The following DLG2 variants were observed in gnomAD, a reference collection of about 807,000 sequenced individuals.
DLG2 encodes disks large homolog 2.
DLG2 carries 45 observed loss-of-function variants against 132.5 expected under a neutral mutation model. That is an observed-to-expected ratio of 0.34 (90% CI 0.27 to 0.44). The LOEUF (loss-of-function observed/expected upper bound fraction) is 0.44. Among genes scored for constraint, DLG2 ranks in the 20% least tolerant of loss-of-function variants. The pLI, the probability that DLG2 is intolerant of heterozygous loss-of-function variation, is 1.00. For synonymous variants in DLG2, 424 were observed against 419.6 expected (o/e 1.01, Z -0.13); for missense variants, 1,045 against 1,196.9 (o/e 0.87, Z 1.87).
intron 3 of DLG2, among the ~76,000 whole-genome samples, chr11:85,431,512 G>T (rs2091181731): frequency 6.6e-6 from 1 of 152,234 alleles, no homozygotes; most frequent in Admixed American, 6.5e-5. Context: ...ATCTGCCTAA[G>T]CCTGCCAAGT....
rs185169697 is a variant in DLG2 at position 83,756,432 on chromosome 11, C to T, written c.1825+30258G>A. ...ATTGCTAATTTTCATAGCTTTTATG[C>T]TAAAAGCAAACAAACAAAACAATAA... On this transcript the variant is annotated intron_variant, in intron 18 of 27. Coordinates refer to ENST00000376104, the MANE Select transcript of DLG2 (RefSeq NM_001142699.3). Among the ~76,000 whole-genome samples, 9 of 151,466 alleles carry T rather than the reference C, an allele frequency of 5.9e-5. No individual in the cohort carries two copies. In the East Asian group the frequency reaches 1.5e-3, roughly 26 times the overall value.
At chr11:83,683,910 GGCT>G (rs1308720213) in intron 18 of DLG2, among the ~76,000 whole-genome samples, 11 of 151,958 alleles carry the variant, frequency 7.2e-5, no homozygotes, top group Admixed American at 1.3e-4. Flanking sequence ...CTCTGTGCTG[GGCT>G]GCTGGCCCAG....
chr11:85,507,794 CAG>C (rs2153147234), intron 3 of DLG2, among the ~76,000 whole-genome samples: 1 of 152,200 alleles, frequency 6.6e-6, no homozygotes, highest in African/African-American at 2.4e-5. Flanking sequence ...TACTATCCTG[CAG>C]AGTGTTTTCC....
Position 83,516,447 on chromosome 11 carries a change from C to T in DLG2, c.2193+16261G>A, listed in dbSNP as rs542819307. Among the ~76,000 whole-genome samples the T allele has an allele frequency of 1.8e-4, 28 of 152,312 alleles. No homozygotes were observed. In the South Asian group the frequency reaches 5.6e-3, roughly 30 times the overall value. On this transcript the variant is annotated intron_variant, in intron 21 of 27. Coordinates refer to ENST00000376104, the MANE Select transcript of DLG2 (RefSeq NM_001142699.3). ...GCACATAAGATGGGTTTCCTGAATA[C>T]AGCACACTGGTGGGTCTTGACTGTT...
intron 21 of DLG2, among the ~76,000 whole-genome samples, chr11:83,515,458 T>A (rs910142784): frequency 1.3e-5 from 2 of 152,218 alleles, no homozygotes; most frequent in Non-Finnish European, 2.9e-5. Context: ...ATTTTGTTGA[T>A]CTTTTCAAAA....
chr11:85,354,669 G>A (rs117798555), intron 3 of DLG2, among the ~76,000 whole-genome samples: 2,295 of 151,650 alleles, frequency 0.015, 28 homozygotes, highest in Non-Finnish European at 0.023. Context: ...ACATTTTGTT[G>A]AGAAACTGCC....
Position 84,321,565 on chromosome 11 carries a change from T to G in DLG2, c.520-70274A>C, listed in dbSNP as rs181257671. On this transcript the variant is annotated intron_variant, in intron 7 of 27. Coordinates refer to ENST00000376104, the MANE Select transcript of DLG2 (RefSeq NM_001142699.3). ...TCCAACCATACAGGCCTTGAATACT[T>G]GAGCTCAATCCTACCTTGTGGCCAT... Among the ~76,000 whole-genome samples, 10 of 152,286 alleles carry G rather than the reference T, an allele frequency of 6.6e-5. No individual in the cohort carries two copies. In the East Asian group the frequency reaches 1.9e-3, roughly 29 times the overall value.
At chr11:85,483,253 T>C (rs2093341357) in intron 3 of DLG2, among the ~76,000 whole-genome samples, 3 of 152,186 alleles carry the variant, frequency 2.0e-5, no homozygotes, top group South Asian at 4.1e-4. Context: ...CCAATAAGGC[T>C]AGCAACAAAT....
chr11:84,160,685 G>T (rs556194120), intron 9 of DLG2, among the ~76,000 whole-genome samples: 12 of 152,220 alleles, frequency 7.9e-5, no homozygotes, highest in African/African-American at 2.6e-4. Flanking sequence ...GCAAGATAGG[G>T]CTTGATATTG....
At chr11:85,261,777 G>T (rs1369156119) in intron 4 of DLG2, among the ~76,000 whole-genome samples, 1 of 152,158 alleles carries the variant, frequency 6.6e-6, no homozygotes, top group Non-Finnish European at 1.5e-5. Flanking sequence ...GGGATCATAA[G>T]TGGCCCCTGA....
chr11:85,422,460 T>C (rs1050689727), intron 3 of DLG2, among the ~76,000 whole-genome samples: 6 of 152,132 alleles, frequency 3.9e-5, no homozygotes, highest in African/African-American at 1.2e-4. Flanking sequence ...TTTCTTCTAC[T>C]TGTTCAATTC....
chr11:85,547,829 C>T (rs1028262119), intron 3 of DLG2, among the ~76,000 whole-genome samples: 3 of 152,112 alleles, frequency 2.0e-5, no homozygotes, highest in Non-Finnish European at 4.4e-5. Context: ...TGTTTTTCAG[C>T]TCCATCAGGT....
intron 18 of DLG2, among the ~76,000 whole-genome samples, chr11:83,764,575 C>T (rs1029640065): frequency 1.3e-5 from 2 of 151,934 alleles, no homozygotes; most frequent in Non-Finnish European, 1.5e-5. Context: ...CATTGAGTCA[C>T]TATTGTAAGA....
intron 22 of DLG2, among the ~76,000 whole-genome samples, chr11:83,474,476 TTAGACTATA>T (rs1397470660): frequency 5.3e-5 from 8 of 152,124 alleles, no homozygotes; most frequent in Non-Finnish European, 1.2e-4. Context: ...CATTGCAATT[TTAGACTATA>T]ACTTTACAGG....
chr11:85,199,616 A>G (rs2081303546), intron 4 of DLG2, among the ~76,000 whole-genome samples: 1 of 152,204 alleles, frequency 6.6e-6, no homozygotes, highest in Non-Finnish European at 1.5e-5. Flanking sequence ...TATTTTACCA[A>G]CCACTCAAGG....
At chr11:84,327,284 T>G (rs976030478) in intron 7 of DLG2, among the ~76,000 whole-genome samples, 5 of 152,126 alleles carry the variant, frequency 3.3e-5, no homozygotes, top group South Asian at 4.2e-4. Flanking sequence ...GGTTTCACCA[T>G]GTTGGCCAGG....
At chr11:84,331,994 T>TA (rs1435944874) in intron 7 of DLG2, among the ~76,000 whole-genome samples, 1 of 152,128 alleles carries the variant, frequency 6.6e-6, no homozygotes, top group Non-Finnish European at 1.5e-5. Flanking sequence ...CAACCAACAA[T>TA]AAAATATTTT....
At chr11:84,553,593 C>G (rs2099406192) in intron 6 of DLG2, among the ~76,000 whole-genome samples, 1 of 152,056 alleles carries the variant, frequency 6.6e-6, no homozygotes, top group Non-Finnish European at 1.5e-5. Context: ...GGTATGAATC[C>G]AAGAGACAGC....
At chr11:84,748,618 C>T (rs898443257) in intron 6 of DLG2, among the ~76,000 whole-genome samples, 10 of 152,106 alleles carry the variant, frequency 6.6e-5, no homozygotes, top group South Asian at 2.1e-4. Flanking sequence ...CTTCCAAAAG[C>T]GACCTAAAAC....
Sources: allele counts gnomAD v4.1 joint callset (sites outside exome capture counted in the v4.1 genomes callset), GRCh38; gene constraint gnomAD v4.1.1; transcripts MANE v1.5; gene names NCBI Gene and HGNC (gene_info 2026-07-23, HGNC 2026-07-21).